NUDT4: variants seen among roughly 807,000 people sequenced by gnomAD.
The protein encoded by NUDT4 is nudix hydrolase 4, also known as diphosphoinositol polyphosphate phosphohydrolase 2.
In NUDT4, 5 loss-of-function variants were observed where a neutral mutation model predicts 23.1. The observed-to-expected ratio is 0.22, with a 90% CI of 0.11 to 0.46. The LOEUF (loss-of-function observed/expected upper bound fraction) is 0.46. Among genes scored for constraint, NUDT4 ranks in the 20% least tolerant of loss-of-function variants. NUDT4 has a pLI of 0.99. For synonymous variants in NUDT4, 50 were observed against 79.0 expected, an observed-to-expected ratio of 0.63 and a Z score of 1.95; for missense variants, 96 against 211.6, an observed-to-expected ratio of 0.45 and a Z score of 3.39.
In NUDT4 at chr12:93,402,301, A is replaced by C. The variant is rs961439484; in HGVS notation, c.*2922A>C. The C allele has an allele frequency of 2.0e-5, 3 of 152,180 alleles. No homozygotes were observed. The highest frequency in any genetic ancestry group is 1.3e-4 in the Admixed American group (2 of 15,286). 9.4% of individuals were successfully genotyped at this position (152,180 alleles called of 1,614,324 possible). A position where few individuals can be genotyped will look rare whatever the true frequency, so the allele number is the denominator to read the frequency against. On this transcript the variant is annotated 3_prime_UTR_variant, in exon 5 of 5. Coordinates refer to ENST00000415493, the MANE Select transcript of NUDT4 (RefSeq NM_019094.6). Reference sequence around the variant, plus strand: ...ATCATGGCTTTAAAAAAAAAACAAAAACACACACACATGAACTCAGATTTG... The same window carrying C: ...ATCATGGCTTTAAAAAAAAAACAAACACACACACACATGAACTCAGATTTG...
rs1348202801 is a variant in NUDT4, at chr12:93,399,258, A to G, written c.422A>G (p.Glu141Gly). ...CHKPVHAEYLEKLKLGCSPAN... is the reference protein window; with the variant it reads ...CHKPVHAEYLGKLKLGCSPAN... Reference sequence around the variant, plus strand: ...AAACCTGTACATGCAGAGTATCTGGAAAAGCTAAAGCTGGGTTGTTCCCCA... The same window carrying G: ...AAACCTGTACATGCAGAGTATCTGGGAAAGCTAAAGCTGGGTTGTTCCCCA... The change falls in exon 5 of 5, where the codon GAA becomes GGA. Residue 141 changes from glutamate to glycine, a missense_variant. Physicochemically the swap from Glu to Gly is moderately conservative, Grantham distance 98. Transcript: ENST00000415493. 2.9e-6 allele frequency: 4 copies of G among 1,401,616 alleles called. No individual in the cohort carries two copies. Among genetic ancestry groups the G allele is most frequent in the Non-Finnish European group, 4.0e-6 (4 of 988,200 alleles). 86.8% of individuals were successfully genotyped at this position (1,401,616 alleles called of 1,614,324 possible). A position where few individuals can be genotyped will look rare whatever the true frequency, so the allele number is the denominator to read the frequency against.
intron 1 of NUDT4, among the ~76,000 whole-genome samples, chr12:93,380,648 C>T (rs1875595858): frequency 6.6e-6 from 1 of 152,156 alleles, no homozygotes; most frequent in Non-Finnish European, 1.5e-5. Flanking sequence ...TGGTTTAGCT[C>T]TTCAGAATTT....
intron 1 of NUDT4, among the ~76,000 whole-genome samples, chr12:93,391,148 A>G (rs754835577): frequency 6.6e-6 from 1 of 152,108 alleles, no homozygotes; most frequent in African/African-American, 2.4e-5. Context: ...TTTAAAAGAA[A>G]AAAAAATCAG....
intron 3 of NUDT4, 88 bp from the exon 4 acceptor site, chr12:93,398,683 G>A (rs1452693352): frequency 1.3e-6 from 1 of 792,048 alleles, no homozygotes; most frequent in East Asian, 2.5e-5. Context: ...CTAATCAGCA[G>A]TATGCCAGAC....
At chr12:93,390,362 A>G (rs1876405284) in intron 1 of NUDT4, among the ~76,000 whole-genome samples, 1 of 152,152 alleles carries the variant, frequency 6.6e-6, no homozygotes, top group South Asian at 2.1e-4. Flanking sequence ...TAACATTTTT[A>G]TTTAACTTAA....
At chr12:93,392,515 C>T (rs1026969505) in intron 1 of NUDT4, among the ~76,000 whole-genome samples, 1 of 151,456 alleles carries the variant, frequency 6.6e-6, no homozygotes, top group Non-Finnish European at 1.5e-5. Context: ...CCTCAGCCTC[C>T]CAAAGTGCTA....
intron 3 of NUDT4, among the ~76,000 whole-genome samples, chr12:93,397,629 C>T (rs1211719946): frequency 2.0e-5 from 3 of 152,056 alleles, no homozygotes; most frequent in African/African-American, 7.2e-5. Flanking sequence ...TGGGCTCAAG[C>T]GATCCTTCAC....
At position 93,403,883 on chromosome 12, in the gene NUDT4, A is replaced by C. The variant is rs1394198696; in HGVS notation, c.*4504A>C. ...GCCATTAAGGCCTATCTTAGCAAGC[A>C]AGACATTATAGCAAAGACCTAAACA... On this transcript the variant is annotated 3_prime_UTR_variant, in exon 5 of 5. Transcript: ENST00000415493. 6.6e-6 allele frequency: 1 copy of C among 152,198 alleles called. No individual in the cohort carries two copies. The highest frequency in any genetic ancestry group is 1.5e-5 in the Non-Finnish European group (1 of 68,044). The allele number at this position is 152,198 out of a possible 1,614,324, so 9.4% of individuals were successfully genotyped here. A position where few individuals can be genotyped will look rare whatever the true frequency, so the allele number is the denominator to read the frequency against.
Position 93,406,037 on chromosome 12 carries a change from GC to G in NUDT4, c.*6659del, listed in dbSNP as rs1222780451. On this transcript the variant is annotated 3_prime_UTR_variant, in exon 5 of 5. Coordinates refer to ENST00000415493, the MANE Select transcript of NUDT4 (RefSeq NM_019094.6). ...AATCCCAGCACTTTGGGAGGCCGAG[GC>G]GGGCAGATCACGAGGTCAGGAGATG... 3 of 152,068 alleles carry G rather than the reference GC, an allele frequency of 2.0e-5. No homozygotes were observed. The highest frequency in any genetic ancestry group is 4.4e-5 in the Non-Finnish European group (3 of 68,054). 9.4% of individuals were successfully genotyped at this position (152,068 alleles called of 1,614,324 possible). A position where few individuals can be genotyped will look rare whatever the true frequency, so the allele number is the denominator to read the frequency against.
chr12:93,394,814 C>CT, intron 2 of NUDT4, 95 bp downstream of exon 2: 1 of 661,966 alleles, frequency 1.5e-6, no homozygotes. Flanking sequence ...TCCAGGAGTG[C>CT]TTTTTGCCTG....
Position 93,399,266 on chromosome 12 carries a change from A to G in NUDT4, c.430A>G (p.Lys144Glu). 7.3e-7 allele frequency: 1 copy of G among 1,363,452 alleles called. No homozygotes were observed. The highest frequency in any genetic ancestry group is 1.0e-6 in the Non-Finnish European group (1 of 953,890). 84.5% of individuals were successfully genotyped at this position (1,363,452 alleles called of 1,614,324 possible). A position where few individuals can be genotyped will look rare whatever the true frequency, so the allele number is the denominator to read the frequency against. Residue 144 changes from lysine to glutamate, a missense_variant, in exon 5 of 5, where the codon AAG (lysine) becomes GAG (glutamate). Physicochemically the swap from Lys to Glu is moderately conservative, Grantham distance 56 (BLOSUM62 1). Transcript: ENST00000415493. Reference protein sequence around the residue: ...PVHAEYLEKLKLGCSPANGNS... With the variant: ...PVHAEYLEKLELGCSPANGNS... ...ACATGCAGAGTATCTGGAAAAGCTA[A>G]AGCTGGGTTGTTCCCCAGCCAATGG...
chr12:93,398,865 C>G lies in NUDT4; in HGVS notation c.340+10C>G. The G allele has an allele frequency of 6.9e-7, 1 of 1,445,870 alleles. No homozygotes were observed. The highest frequency in any genetic ancestry group is 9.7e-7 in the Non-Finnish European group (1 of 1,029,816). 89.6% of individuals were successfully genotyped at this position (1,445,870 alleles called of 1,614,324 possible). The stretch of plus-strand genomic sequence containing the variant: ...GATTCTGTTAATATTGGTAAGTTCC[C>G]TTTTGTTATCTGAATACTCTGTTCT... On this transcript the variant is annotated intron_variant, in intron 4 of 4. Transcript: ENST00000415493.
In NUDT4 at chr12:93,378,272, C is replaced by T. The variant is rs756018432; in HGVS notation, c.-51C>T. 1.4e-6 allele frequency: 1 copy of T among 722,178 alleles called. No individual in the cohort carries two copies. The highest frequency in any genetic ancestry group is 4.4e-5 in the East Asian group (1 of 22,550). The allele number at this position is 722,178 out of a possible 1,614,324, so 44.7% of individuals were successfully genotyped here. On this transcript the variant is annotated 5_prime_UTR_variant, in exon 1 of 5. Transcript: ENST00000415493. Reference sequence around the variant, plus strand: ...CCCCGGCGGGGTGGCGGCGGCCGGGCCCCCACGGCGGCGGCCGGAGCAGCA... The same window carrying T: ...CCCCGGCGGGGTGGCGGCGGCCGGGTCCCCACGGCGGCGGCCGGAGCAGCA...
intron 1 of NUDT4, among the ~76,000 whole-genome samples, chr12:93,389,272 AGACCAGCCT>A (rs1876316618): frequency 6.6e-6 from 1 of 152,108 alleles, no homozygotes; most frequent in Non-Finnish European, 1.5e-5. Context: ...CTGGAGTTCA[AGACCAGCCT>A]GACCAGCATG....
At chr12:93,395,344 T>A in intron 2 of NUDT4, 145 bp from the exon 3 acceptor site, 1 of 672,916 alleles carries the variant, frequency 1.5e-6, no homozygotes, top group East Asian at 2.8e-5. Context: ...AATAAAAACT[T>A]CACAGAAGCA....
intron 1 of NUDT4, among the ~76,000 whole-genome samples, chr12:93,383,571 C>T (rs1875847632): frequency 6.6e-6 from 1 of 152,238 alleles, no homozygotes; most frequent in Non-Finnish European, 1.5e-5. Context: ...GTGGCTCACG[C>T]CTGTAATCCC....
At position 93,378,175 on chromosome 12, in the gene NUDT4, G is replaced by T. The variant is rs1378816605; in HGVS notation, c.-148G>T. 9.5e-6 allele frequency: 3 copies of T among 316,640 alleles called. No homozygotes were observed. The highest frequency in any genetic ancestry group is 1.7e-5 in the Non-Finnish European group (3 of 172,038). The allele number at this position is 316,640 out of a possible 1,614,324, so 19.6% of individuals were successfully genotyped here. A position where few individuals can be genotyped will look rare whatever the true frequency, so the allele number is the denominator to read the frequency against. ...GCGGCCGCCGGCCCCGGGACTGACC[G>T]GCCTCGCCGCACCTCCCGCACCGAC... On this transcript the variant is annotated 5_prime_UTR_variant, in exon 1 of 5. Coordinates refer to ENST00000415493, the MANE Select transcript of NUDT4 (RefSeq NM_019094.6).
At chr12:93,379,266 A>G (rs1396904596) in intron 1 of NUDT4, among the ~76,000 whole-genome samples, 2 of 152,124 alleles carry the variant, frequency 1.3e-5, no homozygotes, top group African/African-American at 4.8e-5. Flanking sequence ...CTGGAGAGCG[A>G]TTTTTACTTA....
intron 1 of NUDT4, among the ~76,000 whole-genome samples, chr12:93,385,806 T>G (rs1876015926): frequency 6.6e-6 from 1 of 151,488 alleles, no homozygotes; most frequent in Non-Finnish European, 1.5e-5. Flanking sequence ...GCAACCATTA[T>G]GGTTATGTTG....
Sources: allele counts gnomAD v4.1 joint callset (sites outside exome capture counted in the v4.1 genomes callset), GRCh38; gene constraint gnomAD v4.1.1; transcripts MANE v1.5; gene names NCBI Gene and HGNC (gene_info 2026-07-23, HGNC 2026-07-21).